ACER2: variants seen among roughly 807,000 people sequenced by gnomAD.
ACER2 encodes the protein alkCDase 2.
In ACER2, 26 loss-of-function variants were observed where a neutral mutation model predicts 34.7. The ratio of observed to expected loss-of-function variants is 0.75; its 90% CI spans 0.55 to 1.04. ACER2 has a LOEUF of 1.04. Ranked by LOEUF, ACER2 falls within the 50% of genes least tolerant of loss-of-function variation. The pLI is 0.00. For missense variants in ACER2, 352 were observed against 340.8 expected, an observed-to-expected ratio of 1.03 and a Z score of -0.26; for synonymous variants, 138 against 132.1, an observed-to-expected ratio of 1.04 and a Z score of -0.31.
intron 3 of ACER2, among the ~76,000 whole-genome samples, chr9:19,430,039 T>C (rs1210158664): frequency 1.1e-4 from 17 of 152,270 alleles, no homozygotes; most frequent in African/African-American, 3.8e-4. Flanking sequence ...CATCTATAAA[T>C]TTCATTTCAT....
intron 3 of ACER2, among the ~76,000 whole-genome samples, chr9:19,434,115 C>T (rs1448363387): frequency 4.8e-5 from 7 of 146,148 alleles, no homozygotes; most frequent in Admixed American, 1.3e-4. Context: ...CGGGCAGAGG[C>T]GCTCCTCACA....
intron 2 of ACER2, 29 bp from the exon 3 acceptor site, chr9:19,424,671 C>G: frequency 6.2e-7 from 1 of 1,611,614 alleles, no homozygotes; most frequent in Non-Finnish European, 8.5e-7. Context: ...CTGTGGTGAC[C>G]TTTTTTTATT....
intron 1 of ACER2, among the ~76,000 whole-genome samples, chr9:19,421,576 G>T (rs553309655): frequency 1.3e-5 from 2 of 152,270 alleles, no homozygotes; most frequent in South Asian, 4.1e-4. Flanking sequence ...GCAGATTGGT[G>T]AATGCCAGGG....
intron 1 of ACER2, among the ~76,000 whole-genome samples, chr9:19,416,866 A>G (rs976627927): frequency 6.6e-6 from 1 of 152,164 alleles, no homozygotes; most frequent in African/African-American, 2.4e-5. Flanking sequence ...TTCTTAAAAT[A>G]ATCCTTTTTT....
At chr9:19,433,498 AG>A (rs1830828840) in intron 3 of ACER2, among the ~76,000 whole-genome samples, 1 of 152,002 alleles carries the variant, frequency 6.6e-6, no homozygotes, top group Non-Finnish European at 1.5e-5. Flanking sequence ...CAGGATCCCA[AG>A]GCAGAAGAAT....
At chr9:19,434,821 G>GGTACTTAGCGCA in intron 3 of ACER2, 126 bp from the exon 4 acceptor site, 8 of 1,249,092 alleles carry the variant, frequency 6.4e-6, no homozygotes, top group Non-Finnish European at 9.0e-6. Context: ...TTTGAACCTT[G>GGTACTTAGCGCA]GTACTTAGCG....
At chr9:19,431,373 T>C (rs1212444193) in intron 3 of ACER2, among the ~76,000 whole-genome samples, 1 of 152,198 alleles carries the variant, frequency 6.6e-6, no homozygotes, top group Non-Finnish European at 1.5e-5. Flanking sequence ...GGAACACCTA[T>C]GCCTTGAATC....
intron 4 of ACER2, among the ~76,000 whole-genome samples, chr9:19,439,331 C>G (rs1024765223): frequency 1.4e-5 from 2 of 140,140 alleles, no homozygotes; most frequent in Non-Finnish European, 3.1e-5. Context: ...TGCTCCCTCT[C>G]TAAAGGGGCT....
chr9:19,446,165 C>A (rs1448159697), intron 4 of ACER2, 116 bp from the exon 5 acceptor site: 2 of 1,428,606 alleles, frequency 1.4e-6, no homozygotes, highest in Admixed American at 1.7e-5. Flanking sequence ...GTAAGAACTT[C>A]AGTGTCTTGG....
intron 1 of ACER2, among the ~76,000 whole-genome samples, chr9:19,423,329 T>G (rs916900386): frequency 3.3e-5 from 5 of 152,206 alleles, no homozygotes; most frequent in Non-Finnish European, 7.3e-5. Flanking sequence ...ACTCCTATGA[T>G]CAAAGAAGCA....
At chr9:19,425,771 G>A (rs958590671) in intron 3 of ACER2, among the ~76,000 whole-genome samples, 1 of 152,144 alleles carries the variant, frequency 6.6e-6, no homozygotes, top group Non-Finnish European at 1.5e-5. Context: ...AACGCTCCTG[G>A]AACACATTAC....
chr9:19,439,184 G>A (rs770325212), intron 4 of ACER2, among the ~76,000 whole-genome samples: 5 of 152,126 alleles, frequency 3.3e-5, no homozygotes, highest in South Asian at 4.1e-4. Flanking sequence ...AAGCTAATTG[G>A]TCTTCATCAT....
chr9:19,430,415 C>G (rs1830716274), intron 3 of ACER2, among the ~76,000 whole-genome samples: 1 of 152,286 alleles, frequency 6.6e-6, no homozygotes. Flanking sequence ...AGGCTGTCAT[C>G]AATCACAGTT....
chr9:19,445,058 T>C (rs1034687311), intron 4 of ACER2, among the ~76,000 whole-genome samples: 1 of 152,248 alleles, frequency 6.6e-6, no homozygotes, highest in Non-Finnish European at 1.5e-5. Context: ...TTCTTCTCAA[T>C]TGCAGATGTC....
At chr9:19,413,127 G>A (rs1830137256) in intron 1 of ACER2, among the ~76,000 whole-genome samples, 2 of 152,164 alleles carry the variant, frequency 1.3e-5, no homozygotes, top group East Asian at 3.9e-4. Flanking sequence ...AAAACATTTT[G>A]CTTTGGCCTC....
intron 1 of ACER2, among the ~76,000 whole-genome samples, chr9:19,417,502 C>G (rs1025968073): frequency 7.9e-5 from 12 of 152,182 alleles, no homozygotes; most frequent in African/African-American, 2.2e-4. Flanking sequence ...CAGCATGGTA[C>G]TTGTACCAAA....
At chr9:19,439,658 A>G (rs900233900) in intron 4 of ACER2, among the ~76,000 whole-genome samples, 2 of 152,176 alleles carry the variant, frequency 1.3e-5, no homozygotes, top group Non-Finnish European at 1.5e-5. Flanking sequence ...CCTTGCTGTC[A>G]TAGCCAAACT....
intron 4 of ACER2, among the ~76,000 whole-genome samples, chr9:19,437,989 C>T (rs1392619785): frequency 6.6e-6 from 1 of 152,158 alleles, no homozygotes; most frequent in East Asian, 1.9e-4. Flanking sequence ...TTCCATGGTG[C>T]CCATTACCTC....
rs558444393 is a variant in ACER2 at position 19,448,100 on chromosome 9, G to T, written c.641+1682G>T. 1.0e-3 allele frequency among the ~76,000 whole-genome samples: 146 copies of T among 144,128 alleles called. 1 individual carries two copies. Among genetic ancestry groups the T allele is most frequent in the African/African-American group, 3.6e-3 (138 of 38,678 alleles). 94.6% of individuals were successfully genotyped at this position (144,128 alleles called of 152,430 possible). Reference sequence around the variant, plus strand: ...TGGCTCACTGCAATCTCTGCCTCCCGGACTGAAAGTGATTCTCCCACCTCA... The same window carrying T: ...TGGCTCACTGCAATCTCTGCCTCCCTGACTGAAAGTGATTCTCCCACCTCA... On this transcript the variant is annotated intron_variant, in intron 5 of 5. Coordinates refer to ENST00000340967, the MANE Select transcript of ACER2 (RefSeq NM_001010887.3).
Sources: allele counts gnomAD v4.1 joint callset (sites outside exome capture counted in the v4.1 genomes callset), GRCh38; gene constraint gnomAD v4.1.1; transcripts MANE v1.5; gene names NCBI Gene and HGNC (gene_info 2026-07-23, HGNC 2026-07-21).